Variants in PDK1 observed in about 807,000 individuals in gnomAD.
PDK1 encodes [Pyruvate dehydrogenase (acetyl-transferring)] kinase isozyme 1, mitochondrial.
In PDK1, 39 loss-of-function variants were observed where a neutral mutation model predicts 54.2. The ratio of observed to expected loss-of-function variants is 0.72; its 90% CI spans 0.56 to 0.94. The LOEUF (loss-of-function observed/expected upper bound fraction) is 0.94. Ranked by LOEUF, PDK1 falls within the 40% of genes least tolerant of loss-of-function variation. The pLI is 0.00. For synonymous variants in PDK1, 221 were observed against 207.1 expected (o/e 1.07, Z -0.58); for missense variants, 552 against 566.0 (o/e 0.98, Z 0.25).
chr2:172,645,125 A>T, the PDK1 span, among the ~76,000 whole-genome samples: 1 of 152,094 alleles, frequency 6.6e-6, no homozygotes, highest in East Asian at 1.9e-4. Context: ...AGCTGTGATG[A>T]GAGTATTTAC....
At chr2:172,562,755 C>T (rs781463218) in intron 3 of PDK1, 3 of 1,596,328 alleles carry the variant, frequency 1.9e-6, no homozygotes, top group East Asian at 2.2e-5. Flanking sequence ...CCTAGAAGAA[C>T]ATGGTTGCAG....
rs12693005 is a variant in PDK1, at chr2:172,595,912, T to C, written c.1254T>C (p.Asp418=). The C allele has an allele frequency of 0.12, 187,825 of 1,613,246 alleles. 11,708 individuals carry two copies. The highest frequency in any genetic ancestry group is 0.13 in the Non-Finnish European group (152,262 of 1,179,330). The change falls in exon 11 of 11, where the codon GAT becomes GAC. Residue 418 remains aspartate, a synonymous_variant. Transcript: ENST00000282077. ...ATTACAACACCAACCACGAGGCTGA[T>C]GACTGGTGCGTCCCCAGCAGAGAAC... ...WKHYNTNHEA[D]DWCVPSREPK...
the PDK1 span, among the ~76,000 whole-genome samples, chr2:172,714,827 A>G: frequency 3.3e-5 from 5 of 152,128 alleles, no homozygotes; most frequent in African/African-American, 4.8e-5. Flanking sequence ...ATTAATGACT[A>G]TTTATAGTAG....
In PDK1 at chr2:172,558,756, A is replaced by G; in HGVS notation, c.245A>G (p.Glu82Gly). The G allele has an allele frequency of 1.2e-6, 2 of 1,610,824 alleles. No homozygotes were observed. Among genetic ancestry groups the G allele is most frequent in the Non-Finnish European group, 1.7e-6 (2 of 1,179,032 alleles). The change falls in exon 2 of 11, where the codon GAG becomes GGG. Residue 82 changes from glutamate to glycine, a missense_variant. By Grantham distance (98) the Glu-to-Gly change is moderately conservative. Transcript: ENST00000282077. ...EKTSFMFLRQ[E>G]LPVRLANIMK... ...ACCTCATTTATGTTTCTGCGGCAAG[A>G]GTTGCCTGTCAGACTGGCAAATATA...
At chr2:172,688,533 T>C in the PDK1 span, among the ~76,000 whole-genome samples, 1 of 152,208 alleles carries the variant, frequency 6.6e-6, no homozygotes, top group South Asian at 2.1e-4. Context: ...GTAGCACTTG[T>C]GTTAGTTTGC....
At chr2:172,557,744 T>C (rs1688425742) in intron 1 of PDK1, among the ~76,000 whole-genome samples, 1 of 151,644 alleles carries the variant, frequency 6.6e-6, no homozygotes, top group African/African-American at 2.4e-5. Flanking sequence ...CCTCCCAAAG[T>C]GATGATAGGT....
chr2:172,636,274 C>T, the PDK1 span, among the ~76,000 whole-genome samples: 6 of 152,178 alleles, frequency 3.9e-5, no homozygotes, highest in Admixed American at 2.6e-4. Context: ...AAGTATGGCA[C>T]TAGCATCTGC....
chr2:172,692,932 G>T, the PDK1 span, among the ~76,000 whole-genome samples: 26,813 of 152,198 alleles, frequency 0.18, 2,713 homozygotes, highest in African/African-American at 0.27. Context: ...AGATTGGGTT[G>T]GTTCTGCAGT....
chr2:172,645,096 C>T, the PDK1 span, among the ~76,000 whole-genome samples: 101 of 152,116 alleles, frequency 6.6e-4, 1 homozygote, highest in South Asian at 0.013. Context: ...AATTTTTAAA[C>T]ACTGGGTATC....
the PDK1 span, among the ~76,000 whole-genome samples, chr2:172,630,901 T>A: frequency 0.73 from 110,845 of 152,108 alleles, 40,597 homozygotes; most frequent in Non-Finnish European, 0.77. Flanking sequence ...AAGTGCTGGG[T>A]TTATAGGCAT....
intron 10 of PDK1, among the ~76,000 whole-genome samples, chr2:172,594,428 C>T (rs935780318): frequency 2.6e-5 from 4 of 152,050 alleles, no homozygotes; most frequent in Non-Finnish European, 5.9e-5. Flanking sequence ...TGTCTTGTGC[C>T]ACACATAAAA....
At chr2:172,671,657 C>T in the PDK1 span, among the ~76,000 whole-genome samples, 1 of 151,766 alleles carries the variant, frequency 6.6e-6, no homozygotes, top group Admixed American at 6.6e-5. Context: ...ATAGCACACA[C>T]TGATAATGTA....
the PDK1 span, among the ~76,000 whole-genome samples, chr2:172,634,156 G>A: frequency 1.3e-5 from 2 of 151,096 alleles, no homozygotes; most frequent in Non-Finnish European, 2.9e-5. Context: ...GGGATTACAG[G>A]CGTGAGCCGA....
At chr2:172,658,723 T>C in the PDK1 span, among the ~76,000 whole-genome samples, 1 of 152,156 alleles carries the variant, frequency 6.6e-6, no homozygotes, top group Non-Finnish European at 1.5e-5. Context: ...AGAGTATCTG[T>C]CTTATGCAGT....
At chr2:172,673,459 C>G in the PDK1 span, among the ~76,000 whole-genome samples, 1 of 152,136 alleles carries the variant, frequency 6.6e-6, no homozygotes, top group Non-Finnish European at 1.5e-5. Flanking sequence ...GTTTTTCTAT[C>G]TATTGGGAAA....
rs2149326667 is a variant in PDK1 at position 172,607,999 on chromosome 2, A to G, written c.*12030A>G. 1 of 152,316 alleles carries G rather than the reference A, an allele frequency of 6.6e-6. No individual in the cohort carries two copies. Among genetic ancestry groups the G allele is most frequent in the Admixed American group, 6.5e-5 (1 of 15,288 alleles). 9.4% of individuals were successfully genotyped at this position (152,316 alleles called of 1,614,324 possible). On this transcript the variant is annotated 3_prime_UTR_variant, in exon 11 of 11. Coordinates refer to ENST00000282077, the MANE Select transcript of PDK1 (RefSeq NM_002610.5). ...CAGATAGTGTGCAGTTTTTGTAGTA[A>G]AAGGTAAAAATCTGAATAATAAAGT...
At chr2:172,585,977 A>G (rs1260600585) in intron 8 of PDK1, among the ~76,000 whole-genome samples, 1 of 152,052 alleles carries the variant, frequency 6.6e-6, no homozygotes, top group Non-Finnish European at 1.5e-5. Context: ...CATTCTGGCT[A>G]ACATGGTGAA....
the PDK1 span, among the ~76,000 whole-genome samples, chr2:172,661,427 C>CTG: frequency 6.0e-4 from 91 of 152,288 alleles, 1 homozygote; most frequent in East Asian, 8.1e-3. Flanking sequence ...TATTTGGTGC[C>CTG]CGTCTGGGGG....
In PDK1 at chr2:172,595,976, T is replaced by C. The variant is rs778851071; in HGVS notation, c.*7T>C. 4 of 1,603,238 alleles carry C rather than the reference T, an allele frequency of 2.5e-6. No individual in the cohort carries two copies. The highest frequency in any genetic ancestry group is 2.2e-5 in the East Asian group (1 of 44,642). On this transcript the variant is annotated 3_prime_UTR_variant, in exon 11 of 11. Transcript: ENST00000282077. ...GACGTTCCGCAGTGCCTAGACACAC[T>C]TGGGACATCGGAAAATCCAAATGTG...
Sources: allele counts gnomAD v4.1 joint callset (sites outside exome capture counted in the v4.1 genomes callset), GRCh38; gene constraint gnomAD v4.1.1; transcripts MANE v1.5; gene names NCBI Gene and HGNC (gene_info 2026-07-23, HGNC 2026-07-21).